ERC1: variants seen among roughly 807,000 people sequenced by gnomAD.
ERC1 encodes RAB6 interacting protein 2.
A neutral mutation model predicts 132.0 loss-of-function variants in ERC1; 56 were observed. That is an observed-to-expected ratio of 0.42 (90% CI 0.34 to 0.53). The LOEUF (loss-of-function observed/expected upper bound fraction) is 0.53. Among genes scored for constraint, ERC1 ranks in the 20% least tolerant of loss-of-function variants. The probability of loss-of-function intolerance (pLI) is 0.03; values close to 1 mark genes in which losing one functional copy is unlikely to be tolerated. For missense variants in ERC1, 1,202 were observed against 1,349.9 expected (o/e 0.89, Z 1.72); for synonymous variants, 478 against 476.1 (o/e 1.00, Z -0.05).
intron 8 of ERC1, among the ~76,000 whole-genome samples, chr12:1,147,022 G>C (rs998948422): frequency 2.6e-5 from 4 of 152,146 alleles, no homozygotes; most frequent in South Asian, 2.1e-4. Context: ...CCAGTCTATC[G>C]TTGTTGGACA....
intron 1 of ERC1, among the ~76,000 whole-genome samples, chr12:1,002,048 G>A (rs1300995855): frequency 6.7e-6 from 1 of 149,836 alleles, no homozygotes; most frequent in Non-Finnish European, 1.5e-5. Context: ...TTTAAGTAGA[G>A]ATGGGTGTTT....
intron 16 of ERC1, among the ~76,000 whole-genome samples, chr12:1,382,723 A>C (rs775336385): frequency 9.9e-5 from 15 of 152,164 alleles, no homozygotes; most frequent in Admixed American, 2.6e-4. Flanking sequence ...GGCTGACATT[A>C]AGAGTTTAAA....
intron 15 of ERC1, among the ~76,000 whole-genome samples, chr12:1,329,789 T>G (rs1210089461): frequency 6.6e-6 from 1 of 152,158 alleles, no homozygotes; most frequent in Non-Finnish European, 1.5e-5. Flanking sequence ...GAAGAAATAT[T>G]GAGGAGGTAG....
chr12:1,391,510 G>C (rs1266144342), intron 16 of ERC1: 1 of 152,308 alleles, frequency 6.6e-6, no homozygotes, highest in African/African-American at 2.4e-5. Context: ...GCTCCATGGA[G>C]GTGGAATTCT....
intron 16 of ERC1, among the ~76,000 whole-genome samples, chr12:1,378,530 G>C (rs192172186): frequency 6.6e-6 from 1 of 152,276 alleles, no homozygotes; most frequent in Admixed American, 6.5e-5. Flanking sequence ...GTGATTTAAA[G>C]CCTTTTCCTT....
In ERC1 at chr12:1,252,512, C is replaced by T. The variant is rs73595918; in HGVS notation, c.2488-10522C>T. Among the ~76,000 whole-genome samples the T allele has an allele frequency of 6.2e-3, 941 of 152,238 alleles. 10 individuals are homozygous for T. The highest frequency in any genetic ancestry group is 0.022 in the African/African-American group (912 of 41,546). On this transcript the variant is annotated intron_variant, in intron 13 of 18. Transcript: ENST00000360905. ...TTTTCAAGATGAGACCCTTCCCAGT[C>T]TGTATGGGATATTTGTACTCTATGC...
chr12:1,441,132 C>T (rs1470583318), intron 17 of ERC1, among the ~76,000 whole-genome samples: 1 of 151,796 alleles, frequency 6.6e-6, no homozygotes, highest in Non-Finnish European at 1.5e-5. Context: ...GATCTCGGCT[C>T]ACTGCAACCT....
intron 2 of ERC1, among the ~76,000 whole-genome samples, chr12:1,068,335 A>G (rs1939660215): frequency 2.0e-5 from 3 of 149,168 alleles, no homozygotes; most frequent in Admixed American, 1.3e-4. Context: ...ATTGTACACT[A>G]AGGTGCCAAA....
intron 1 of ERC1, among the ~76,000 whole-genome samples, chr12:1,020,278 G>A (rs1385765529): frequency 3.9e-5 from 6 of 152,098 alleles, no homozygotes; most frequent in South Asian, 4.1e-4. Context: ...CCAATATGGC[G>A]AAACCCCATC....
intron 15 of ERC1, among the ~76,000 whole-genome samples, chr12:1,331,465 G>T (rs2082855294): frequency 6.6e-6 from 1 of 152,216 alleles, no homozygotes; most frequent in Non-Finnish European, 1.5e-5. Context: ...GGCTCTTACA[G>T]ATAGTGGTAC....
chr12:1,451,701 GTAAT>G (rs2093428350), intron 18 of ERC1, among the ~76,000 whole-genome samples: 1 of 152,070 alleles, frequency 6.6e-6, no homozygotes, highest in African/African-American at 2.4e-5. Context: ...ACATCTGCTG[GTAAT>G]TAATTCTATG....
intron 15 of ERC1, among the ~76,000 whole-genome samples, chr12:1,307,377 T>C (rs2080961674): frequency 6.6e-6 from 1 of 152,044 alleles, no homozygotes; most frequent in African/African-American, 2.4e-5. Flanking sequence ...ACATGTTAGG[T>C]GAGGTGTTTG....
intron 8 of ERC1, among the ~76,000 whole-genome samples, chr12:1,164,622 G>A (rs946968956): frequency 6.6e-6 from 1 of 152,230 alleles, no homozygotes; most frequent in Non-Finnish European, 1.5e-5. Flanking sequence ...TTACAGGCGT[G>A]AGCCACTGTG....
At chr12:1,194,492 T>C (rs942674461) in intron 12 of ERC1, among the ~76,000 whole-genome samples, 3 of 152,148 alleles carry the variant, frequency 2.0e-5, no homozygotes. Context: ...TGATACAGGA[T>C]TGCTTGCTGT....
At chr12:1,014,972 T>C (rs1414530376) in intron 1 of ERC1, among the ~76,000 whole-genome samples, 1 of 151,684 alleles carries the variant, frequency 6.6e-6, no homozygotes, top group African/African-American at 2.4e-5. Flanking sequence ...CCATGTTGGC[T>C]AGGCTGGTCC....
chr12:1,242,926 G>A (rs1157413098), intron 13 of ERC1, among the ~76,000 whole-genome samples: 4 of 152,112 alleles, frequency 2.6e-5, no homozygotes, highest in Non-Finnish European at 2.9e-5. Context: ...GGTGGCTCAC[G>A]CCTGTAATCC....
chr12:1,372,059 T>C, intron 16 of ERC1, 82 bp downstream of exon 16: 6 of 1,487,896 alleles, frequency 4.0e-6, no homozygotes, highest in Non-Finnish European at 5.4e-6. Context: ...GCTTGTACTT[T>C]AAGGTCTCAT....
At chr12:1,207,460 T>A (rs1309707754) in intron 12 of ERC1, among the ~76,000 whole-genome samples, 1 of 152,246 alleles carries the variant, frequency 6.6e-6, no homozygotes, top group Non-Finnish European at 1.5e-5. Context: ...CCTTTCGCTT[T>A]TTTAAGCAAC....
chr12:1,249,911 A>AT (rs573192008), intron 13 of ERC1, among the ~76,000 whole-genome samples: 1 of 152,298 alleles, frequency 6.6e-6, no homozygotes, highest in South Asian at 2.1e-4. Flanking sequence ...TTATAAGGGC[A>AT]TTTAATGCCA....
Sources: gnomAD v4.1 joint callset for allele counts (sites outside exome capture counted in the v4.1 genomes callset) on GRCh38, gnomAD v4.1.1 for gene constraint, MANE v1.5 for transcripts, NCBI Gene and HGNC (gene_info 2026-07-23, HGNC 2026-07-21) for gene names.